The following ANKRD31 variants were observed in gnomAD, a reference collection of about 807,000 sequenced individuals.
ANKRD31 encodes ankyrin repeat domain-containing protein 31.
In ANKRD31, 147 loss-of-function variants were observed where a neutral mutation model predicts 186.0. That is an observed-to-expected ratio of 0.79 (90% CI 0.69 to 0.91). The LOEUF (loss-of-function observed/expected upper bound fraction) is 0.91, where lower values mean the gene tolerates loss of function less well. Among genes scored for constraint, ANKRD31 ranks in the 40% least tolerant of loss-of-function variants. The probability of loss-of-function intolerance (pLI) is 0.00; values close to 1 mark genes in which losing one functional copy is unlikely to be tolerated. For missense variants in ANKRD31, 1,986 were observed against 2,148.8 expected, an observed-to-expected ratio of 0.92 and a Z score of 1.50; for synonymous variants, 673 against 736.4, an observed-to-expected ratio of 0.91 and a Z score of 1.39.
chr5:75,092,558 G>C (rs1745999002), intron 22 of ANKRD31, among the ~76,000 whole-genome samples: 1 of 152,214 alleles, frequency 6.6e-6, no homozygotes, highest in Non-Finnish European at 1.5e-5. Context: ...GTTTAGCACT[G>C]AAGTGGGGAC....
Position 75,193,446 on chromosome 5 carries a change from G to C in ANKRD31, c.1163C>G (p.Ser388Cys). Residue 388 changes from serine (S) to cysteine (C), a missense_variant, in exon 8 of 26, where the codon TCC becomes TGC. Ser to Cys is a moderately radical substitution (Grantham distance 112). Transcript: ENST00000506364. ...QETACVLRRS[S>C]RLEKLKVSRD... ...GCTTACTTTCAGTTTTTCTAGTCTGGATGATCTCCTCAACACACACGCAGT... is the reference window on the plus strand; with the variant it reads ...GCTTACTTTCAGTTTTTCTAGTCTGCATGATCTCCTCAACACACACGCAGT... The C allele has an allele frequency of 6.5e-7, 1 of 1,537,294 alleles. No individual in the cohort carries two copies. The highest frequency in any genetic ancestry group is 1.4e-5 in the African/African-American group (1 of 73,118).
chr5:75,235,481 C>A (rs1350489962), intron 1 of ANKRD31, among the ~76,000 whole-genome samples: 1 of 152,114 alleles, frequency 6.6e-6, no homozygotes, highest in Non-Finnish European at 1.5e-5. Context: ...AGTTTGTTTT[C>A]GGTTTTTTGG....
intron 17 of ANKRD31, among the ~76,000 whole-genome samples, chr5:75,135,424 C>T (rs1028518201): frequency 1.3e-5 from 2 of 151,390 alleles, no homozygotes; most frequent in Non-Finnish European, 3.0e-5. Context: ...CAATTGCTTC[C>T]AAGAGAATAA....
chr5:75,087,577 C>A (rs1411586775), intron 23 of ANKRD31, among the ~76,000 whole-genome samples: 1 of 151,704 alleles, frequency 6.6e-6, no homozygotes, highest in African/African-American at 2.4e-5. Context: ...TATTCCATTG[C>A]AAGTTTTAAG....
chr5:75,206,429 T>C lies in ANKRD31; in HGVS notation c.385A>G (p.Asn129Asp). The C allele has an allele frequency of 6.7e-7, 1 of 1,482,246 alleles. No individual in the cohort carries two copies. The highest frequency in any genetic ancestry group is 1.4e-5 in the African/African-American group (1 of 71,112). 91.8% of individuals were successfully genotyped at this position (1,482,246 alleles called of 1,614,324 possible). A position where few individuals can be genotyped will look rare whatever the true frequency, so the allele number is the denominator to read the frequency against. Residue 129 changes from asparagine (N) to aspartate (D), a missense_variant, in exon 5 of 26, where the codon AAC becomes GAC. Transcript: ENST00000506364. ...AACATACCTTCAATATTTTGGTGGT[T>C]CAATGAAAGTCCAGACTGGCGAAAC... ...GSFRQSGLSL[N>D]HQNIEGPEAE...
At chr5:75,104,017 T>TA (rs1561423279) in intron 22 of ANKRD31, among the ~76,000 whole-genome samples, 1 of 152,050 alleles carries the variant, frequency 6.6e-6, no homozygotes, top group African/African-American at 2.4e-5. Context: ...AAATTAAAAT[T>TA]AAAAAAAGGA....
At position 75,146,984 on chromosome 5, in the gene ANKRD31, G is replaced by A; in HGVS notation, c.2427C>T (p.His809=). 3.9e-6 allele frequency: 6 copies of A among 1,536,296 alleles called. No homozygotes were observed. The highest frequency in any genetic ancestry group is 5.2e-6 in the Non-Finnish European group (6 of 1,146,296). ...TATCTGATAAATCCAGGTTCTGGAT[G>A]TGTTTCTCTTTGGAAACTGAACAAG... ...TEACSVSKEK[H]IQNLDLSDSQ... Residue 809 remains histidine, a synonymous_variant, in exon 14 of 26, where the codon CAC becomes CAT. Coordinates refer to ENST00000506364, the MANE Select transcript of ANKRD31 (RefSeq NM_001372053.1).
chr5:75,132,053 T>G (rs1245699898), intron 17 of ANKRD31, among the ~76,000 whole-genome samples: 1 of 152,128 alleles, frequency 6.6e-6, no homozygotes, highest in Non-Finnish European at 1.5e-5. Flanking sequence ...ACCACAAAGA[T>G]GGGGAGAAAC....
At chr5:75,231,820 T>A (rs912767635) in intron 1 of ANKRD31, among the ~76,000 whole-genome samples, 13 of 151,884 alleles carry the variant, frequency 8.6e-5, no homozygotes, top group Non-Finnish European at 1.8e-4. Flanking sequence ...AGCAGGAAGA[T>A]GGCTTGAGGC....
At chr5:75,230,686 A>T (rs1757894812) in intron 1 of ANKRD31, 51 bp from the exon 2 acceptor site, 1 of 1,359,014 alleles carries the variant, frequency 7.4e-7, no homozygotes, top group East Asian at 2.5e-5. Flanking sequence ...TCTTAAACAA[A>T]GACTAACATT....
intron 20 of ANKRD31, 61 bp from the exon 21 acceptor site, chr5:75,107,678 T>G: frequency 1.0e-6 from 1 of 981,672 alleles, no homozygotes; most frequent in Non-Finnish European, 1.5e-6. Context: ...AATTTGGTCA[T>G]ACGAGAATTA....
intron 10 of ANKRD31, among the ~76,000 whole-genome samples, chr5:75,176,630 A>G (rs1753824265): frequency 6.6e-6 from 1 of 152,212 alleles, no homozygotes; most frequent in South Asian, 2.1e-4. Context: ...CAGGGTCTGG[A>G]GTGGACCTCC....
At chr5:75,152,495 T>C (rs942732728) in intron 12 of ANKRD31, among the ~76,000 whole-genome samples, 2 of 152,032 alleles carry the variant, frequency 1.3e-5, no homozygotes, top group African/African-American at 4.8e-5. Context: ...AAGGTAATAA[T>C]ATATAAAAGC....
chr5:75,077,320 C>T (rs964482190), intron 25 of ANKRD31, among the ~76,000 whole-genome samples: 1 of 152,180 alleles, frequency 6.6e-6, no homozygotes, highest in African/African-American at 2.4e-5. Context: ...GTCCTCCTGC[C>T]TTGGCCTCCC....
At chr5:75,236,441 C>A in intron 1 of ANKRD31, 142 bp downstream of exon 1, 1 of 627,060 alleles carries the variant, frequency 1.6e-6, no homozygotes, top group South Asian at 2.2e-5. Flanking sequence ...TCAGCTCAGG[C>A]ACGGCTGCCC....
At chr5:75,123,565 A>G (rs1468675701) in intron 17 of ANKRD31, among the ~76,000 whole-genome samples, 1 of 152,088 alleles carries the variant, frequency 6.6e-6, no homozygotes, top group Non-Finnish European at 1.5e-5. Flanking sequence ...AATAATCAAA[A>G]AGCATGGTAC....
chr5:75,233,166 G>A (rs186009075), intron 1 of ANKRD31, among the ~76,000 whole-genome samples: 14 of 151,570 alleles, frequency 9.2e-5, no homozygotes, highest in African/African-American at 2.9e-4. Context: ...AGGTTCAAGC[G>A]ATTCTCCTGC....
intron 25 of ANKRD31, 101 bp downstream of exon 25, chr5:75,080,467 T>C: frequency 1.5e-6 from 1 of 662,810 alleles, no homozygotes; most frequent in Admixed American, 3.2e-5. Context: ...TATGGAGTGA[T>C]ATGCATAATA....
intron 10 of ANKRD31, among the ~76,000 whole-genome samples, chr5:75,175,224 T>G (rs1182492847): frequency 6.6e-6 from 1 of 152,126 alleles, no homozygotes; most frequent in East Asian, 1.9e-4. Context: ...CACTGAGGCC[T>G]GTCGGGTCGG....
Sources: allele counts gnomAD v4.1 joint callset (sites outside exome capture counted in the v4.1 genomes callset), GRCh38; gene constraint gnomAD v4.1.1; transcripts MANE v1.5; gene names NCBI Gene and HGNC (gene_info 2026-07-23, HGNC 2026-07-21).